The following CNTN4 variants were observed in gnomAD, a reference collection of about 807,000 sequenced individuals.
CNTN4 encodes the protein contactin 4.
In CNTN4, 77 loss-of-function variants were observed where a neutral mutation model predicts 122.5. The observed-to-expected ratio is 0.63, with a 90% confidence interval of 0.52 to 0.76. The LOEUF (loss-of-function observed/expected upper bound fraction) is 0.76, where lower values mean the gene tolerates loss of function less well. CNTN4 is among the 30% of genes least tolerant of loss of function. CNTN4 has a pLI of 0.00. For missense variants in CNTN4, 1,256 were observed against 1,259.1 expected (o/e 1.00, Z 0.04); for synonymous variants, 512 against 447.0 (o/e 1.15, Z -1.83).
intron 3 of CNTN4, among the ~76,000 whole-genome samples, chr3:2,402,784 A>G (rs993746800): frequency 5.9e-5 from 9 of 152,004 alleles, no homozygotes; most frequent in Non-Finnish European, 1.3e-4. Context: ...CACCTTCTTT[A>G]TGGTACAATG....
At chr3:2,889,281 T>C (rs1185383734) in intron 10 of CNTN4, among the ~76,000 whole-genome samples, 1 of 152,198 alleles carries the variant, frequency 6.6e-6, no homozygotes, top group Non-Finnish European at 1.5e-5. Flanking sequence ...AATACTTCAC[T>C]TGATGAGCTG....
chr3:2,855,919 A>AT (rs1243892439), intron 7 of CNTN4, among the ~76,000 whole-genome samples: 1 of 152,182 alleles, frequency 6.6e-6, no homozygotes, highest in African/African-American at 2.4e-5. Context: ...TAAAACATGT[A>AT]TTTTGATAGT....
chr3:2,384,428 G>C (rs899053053), intron 3 of CNTN4, among the ~76,000 whole-genome samples: 12 of 152,130 alleles, frequency 7.9e-5, no homozygotes, highest in Admixed American at 7.2e-4. Context: ...CCGCCTGTTA[G>C]ATTAAATTGT....
chr3:2,736,459 T>C (rs1173235768), intron 5 of CNTN4, 118 bp downstream of exon 5: 12 of 522,592 alleles, frequency 2.3e-5, no homozygotes, highest in East Asian at 2.2e-4. Context: ...TATTTTATTT[T>C]ATTTTATATA....
At chr3:2,115,548 G>T (rs2033291546) in intron 2 of CNTN4, among the ~76,000 whole-genome samples, 1 of 152,210 alleles carries the variant, frequency 6.6e-6, no homozygotes, top group Non-Finnish European at 1.5e-5. Context: ...GGCCTGTCCA[G>T]GAATTTGGAA....
At chr3:2,990,950 A>G (rs1345250923) in intron 14 of CNTN4, among the ~76,000 whole-genome samples, 1 of 152,218 alleles carries the variant, frequency 6.6e-6, no homozygotes, top group Non-Finnish European at 1.5e-5. Flanking sequence ...ACTAACGGCA[A>G]TAATAACAAC....
intron 7 of CNTN4, among the ~76,000 whole-genome samples, chr3:2,859,768 T>C (rs922680606): frequency 6.6e-6 from 1 of 152,226 alleles, no homozygotes; most frequent in East Asian, 1.9e-4. Context: ...TTTTGTCATA[T>C]ACTCATATTT....
intron 2 of CNTN4, among the ~76,000 whole-genome samples, chr3:2,292,437 G>A (rs887875390): frequency 2.6e-5 from 4 of 152,092 alleles, no homozygotes; most frequent in South Asian, 2.1e-4. Flanking sequence ...AATTTTTCAG[G>A]ATTATTTGTA....
At chr3:2,827,568 G>T (rs959070691) in intron 7 of CNTN4, among the ~76,000 whole-genome samples, 16 of 152,278 alleles carry the variant, frequency 1.1e-4, no homozygotes, top group African/African-American at 3.8e-4. Context: ...TCTCCCAAGA[G>T]ATTTATATGG....
chr3:2,966,756 A>G (rs1418023548), intron 13 of CNTN4, among the ~76,000 whole-genome samples: 1 of 152,200 alleles, frequency 6.6e-6, no homozygotes, highest in Non-Finnish European at 1.5e-5. Flanking sequence ...TATGCCTATT[A>G]TGTACCCATA....
At chr3:2,607,668 A>T (rs1387902808) in intron 4 of CNTN4, among the ~76,000 whole-genome samples, 5 of 141,722 alleles carry the variant, frequency 3.5e-5, no homozygotes, top group African/African-American at 1.0e-4. Flanking sequence ...GTAATGATAC[A>T]TAAACCTTTC....
chr3:2,553,179 T>C (rs2078584253), intron 3 of CNTN4, among the ~76,000 whole-genome samples: 1 of 152,124 alleles, frequency 6.6e-6, no homozygotes. Flanking sequence ...TGTTATATCT[T>C]TAAAGAGAAG....
At chr3:2,215,098 A>G (rs2038782951) in intron 2 of CNTN4, among the ~76,000 whole-genome samples, 3 of 152,156 alleles carry the variant, frequency 2.0e-5, no homozygotes, top group South Asian at 4.1e-4. Context: ...TCTCACCTCT[A>G]TCTCTTCTTT....
intron 6 of CNTN4, among the ~76,000 whole-genome samples, chr3:2,811,479 G>C (rs1361309552): frequency 7.2e-6 from 1 of 139,154 alleles, no homozygotes; most frequent in African/African-American, 2.9e-5. Context: ...TTATTTATTT[G>C]AGGCAGAGTC....
chr3:2,434,746 G>A (rs977380856), intron 3 of CNTN4, among the ~76,000 whole-genome samples: 2 of 152,060 alleles, frequency 1.3e-5, no homozygotes, highest in African/African-American at 2.4e-5. Context: ...CCTTGGAGCC[G>A]TTTTTGTGAC....
At chr3:2,116,054 C>T (rs181986037) in intron 2 of CNTN4, among the ~76,000 whole-genome samples, 15 of 152,216 alleles carry the variant, frequency 9.9e-5, no homozygotes, top group Non-Finnish European at 2.1e-4. Context: ...CTAACTTGGG[C>T]CTGGCACTCA....
chr3:2,918,441 G>A (rs1233619353), intron 12 of CNTN4, among the ~76,000 whole-genome samples: 1 of 152,204 alleles, frequency 6.6e-6, no homozygotes, highest in Admixed American at 6.5e-5. Context: ...CTTCCAGGGT[G>A]CACTTGCCCT....
rs113205770 is a variant in CNTN4 at position 2,412,024 on chromosome 3, G to A, written c.-89+72791G>A. 2.6e-3 allele frequency among the ~76,000 whole-genome samples: 392 copies of A among 152,042 alleles called. 2 individuals are homozygous for A. The highest frequency in any genetic ancestry group is 7.2e-3 in the African/African-American group (297 of 41,472). Reference sequence around the variant, plus strand: ...AATTTGTCTTCTGACTTCTATCACCGTAGATTAATTTTGCTTGTTCTTGGA... The same window carrying A: ...AATTTGTCTTCTGACTTCTATCACCATAGATTAATTTTGCTTGTTCTTGGA... On this transcript the variant is annotated intron_variant, in intron 3 of 24. Coordinates refer to ENST00000418658, the MANE Select transcript of CNTN4 (RefSeq NM_175607.3).
intron 3 of CNTN4, among the ~76,000 whole-genome samples, chr3:2,377,242 G>A (rs1202931278): frequency 2.6e-5 from 4 of 152,058 alleles, no homozygotes; most frequent in Non-Finnish European, 5.9e-5. Context: ...GAACATGATG[G>A]CATTATTAGT....
Sources: gnomAD v4.1 joint callset for allele counts (sites outside exome capture counted in the v4.1 genomes callset) on GRCh38, gnomAD v4.1.1 for gene constraint, MANE v1.5 for transcripts, NCBI Gene and HGNC (gene_info 2026-07-23, HGNC 2026-07-21) for gene names.